The following KANK4 variants were observed in gnomAD, a reference collection of about 807,000 sequenced individuals.
KANK4 encodes KN motif and ankyrin repeat domains 4, also known as KN motif and ankyrin repeat domain-containing protein 4.
In KANK4, 50 loss-of-function variants were observed where a neutral mutation model predicts 80.8. That is an observed-to-expected ratio of 0.62 (90% CI 0.49 to 0.78). The LOEUF (loss-of-function observed/expected upper bound fraction) is 0.78, where lower values mean the gene tolerates loss of function less well. Ranked by LOEUF, KANK4 falls within the 30% of genes least tolerant of loss-of-function variation. KANK4 has a pLI of 0.00. For missense variants in KANK4, 1,196 were observed against 1,240.1 expected, an observed-to-expected ratio of 0.96 and a Z score of 0.53; for synonymous variants, 465 against 506.9, an observed-to-expected ratio of 0.92 and a Z score of 1.11.
chr1:62,292,568 A>G (rs1222439472), intron 1 of KANK4, among the ~76,000 whole-genome samples: 1 of 152,218 alleles, frequency 6.6e-6, no homozygotes, highest in East Asian at 1.9e-4. Context: ...ATAGTAAATA[A>G]CTACTCTTTA....
chr1:62,250,088 C>T (rs188875894), intron 8 of KANK4, among the ~76,000 whole-genome samples: 5 of 152,000 alleles, frequency 3.3e-5, no homozygotes, highest in South Asian at 2.1e-4. Context: ...TGGGTTCAAG[C>T]GATTCTCCTG....
At chr1:62,278,351 TCCTTCCTTCCTTCC>T (rs1672363930) in intron 2 of KANK4, among the ~76,000 whole-genome samples, 1 of 28,968 alleles carries the variant, frequency 3.5e-5, no homozygotes, top group Non-Finnish European at 5.3e-5. Context: ...CTTCCTTCCT[TCCTTCCTTCCTTCC>T]TTCCTTCCTT....
rs1314538380 is a variant in KANK4, at chr1:62,274,257, T to C, written c.847A>G (p.Thr283Ala). The change falls in exon 3 of 10, where the codon ACG becomes GCG. Residue 283 changes from threonine to alanine, a missense_variant. Coordinates refer to ENST00000371153, the MANE Select transcript of KANK4 (RefSeq NM_181712.5). The stretch of plus-strand genomic sequence containing the variant: ...GATGGCAGAGGTGGCGGGCTTGGCG[T>C]AGGGGAGCCAGGGGTGAACAACACC... ...AEVLFTPGSP[T>A]PSPPPLPSPI... is the part of the protein sequence containing the mutation. The C allele has an allele frequency of 6.2e-7, 1 of 1,613,868 alleles. No homozygotes were observed. The highest frequency in any genetic ancestry group is 2.2e-5 in the East Asian group (1 of 44,868).
intron 1 of KANK4, among the ~76,000 whole-genome samples, chr1:62,303,716 T>A (rs528628725): frequency 6.6e-6 from 1 of 152,108 alleles, no homozygotes; most frequent in African/African-American, 2.4e-5. Context: ...AAAATGAATA[T>A]AAAATTTCTC....
At chr1:62,277,323 A>G (rs57413303) in intron 2 of KANK4, among the ~76,000 whole-genome samples, 1,970 of 152,312 alleles carry the variant, frequency 0.013, 43 homozygotes, top group African/African-American at 0.045. Flanking sequence ...GTGATAAATG[A>G]ACAAATAGGG....
chr1:62,281,722 C>A, intron 1 of KANK4, 88 bp from the exon 2 acceptor site: 1 of 844,804 alleles, frequency 1.2e-6, no homozygotes, highest in Non-Finnish European at 2.0e-6. Flanking sequence ...AAGTAACATC[C>A]ATCCCTGCCT....
chr1:62,306,476 A>G (rs1571049315), intron 1 of KANK4, among the ~76,000 whole-genome samples: 1 of 152,330 alleles, frequency 6.6e-6, no homozygotes, highest in East Asian at 1.9e-4. Context: ...TCATATATAT[A>G]CAGTGCCAAA....
intron 9 of KANK4, among the ~76,000 whole-genome samples, chr1:62,246,851 C>T (rs188368877): frequency 2.1e-4 from 32 of 151,790 alleles, no homozygotes; most frequent in African/African-American, 7.2e-4. Flanking sequence ...ACCTCTGCCT[C>T]CCACGTTCAA....
rs575954280 is a variant in KANK4 at position 62,315,229 on chromosome 1, T to C, written c.-71+3877A>G. ...GTGAATCTAGGCTCCAATCCCAGGA[T>C]ACACTGACCTCCAAACCCATGCCTC... is the stretch of plus-strand genomic sequence containing the variant. On this transcript the variant is annotated intron_variant, in intron 1 of 9. Coordinates refer to ENST00000371153, the MANE Select transcript of KANK4 (RefSeq NM_181712.5). Among the ~76,000 whole-genome samples, 171 of 152,288 alleles carry C rather than the reference T, an allele frequency of 1.1e-3. 2 individuals are homozygous for C. Among genetic ancestry groups the C allele is most frequent in the African/African-American group, 3.9e-3 (164 of 41,570 alleles).
rs978139898 is a variant in KANK4, at chr1:62,265,507, A to G, written c.2319+1225T>C. Among the ~76,000 whole-genome samples the G allele has an allele frequency of 8.6e-5, 13 of 151,752 alleles. No individual in the cohort carries two copies. In the East Asian group the frequency reaches 2.3e-3, roughly 27 times the overall value. ...TCCACCTGTCTTGGCCTCCCAAAGT[A>G]CTGGGATTACAGGCGTGAGACACTG... On this transcript the variant is annotated intron_variant, in intron 6 of 9. Transcript: ENST00000371153.
rs149755007 is a variant in KANK4 at position 62,273,978 on chromosome 1, C to T, written c.1126G>A (p.Glu376Lys). The part of the protein sequence containing the change: ...VRTALQQQEE[E>K]IKAREQRIRE... ...ATTCTTTGCTCCCTAGCTTTGATTT[C>T]CTCTTCCTGCTGCTGGAGAGCAGTT... Residue 376 changes from glutamate (E) to lysine (K), a missense_variant, in exon 3 of 10, where the codon GAA (glutamate) becomes AAA (lysine). By Grantham distance (56) the Glu-to-Lys change is moderately conservative. Around this residue, in one of 3 missense-constraint regions of KANK4, gnomAD observed 1,154 missense variants for 1,179.6 expected, o/e 0.98. Transcript: ENST00000371153. 8.7e-6 allele frequency: 14 copies of T among 1,614,096 alleles called. No individual in the cohort carries two copies. Among genetic ancestry groups the T allele is most frequent in the African/African-American group, 2.7e-5 (2 of 74,932 alleles).
Position 62,275,108 on chromosome 1 carries a change from T to TA in KANK4, c.17-22dup, listed in dbSNP as rs761923018. On this transcript the variant is annotated intron_variant, in intron 2 of 9. Coordinates refer to ENST00000371153, the MANE Select transcript of KANK4 (RefSeq NM_181712.5). Reference sequence around the variant, plus strand: ...TTTGGCTGGGAGACATAAGACAAGTTAAAAAAAAAAAGCACAAATTTAATT... The same window carrying TA: ...TTTGGCTGGGAGACATAAGACAAGTTAAAAAAAAAAAAGCACAAATTTAATT... The TA allele has an allele frequency of 0.013, 15,993 of 1,187,442 alleles. 9 individuals carry two copies. Among genetic ancestry groups the TA allele is most frequent in the African/African-American group, 0.026 (1,635 of 62,454 alleles). 73.6% of individuals were successfully genotyped at this position (1,187,442 alleles called of 1,614,324 possible).
rs1166178685 is a variant in KANK4 at position 62,278,320 on chromosome 1, T to TCTTCCTTC, written c.16+3221_16+3228dup. The stretch of plus-strand genomic sequence containing the variant: ...GGCATTTCCTGGGGCACATTTTCTT[T>TCTTCCTTC]CTTCCTTCCTTCCTTCCTTCCTTCC... On this transcript the variant is annotated intron_variant, in intron 2 of 9. Coordinates refer to ENST00000371153, the MANE Select transcript of KANK4 (RefSeq NM_181712.5). Among the ~76,000 whole-genome samples, 26 of 60,502 alleles carry TCTTCCTTC rather than the reference T, an allele frequency of 4.3e-4. 1 individual carries two copies. Among genetic ancestry groups the TCTTCCTTC allele is most frequent in the Non-Finnish European group, 7.9e-4 (23 of 29,016 alleles). 39.7% of individuals were successfully genotyped at this position (60,502 alleles called of 152,430 possible).
chr1:62,288,970 G>A (rs1408041700), intron 1 of KANK4, among the ~76,000 whole-genome samples: 1 of 152,116 alleles, frequency 6.6e-6, no homozygotes, highest in Non-Finnish European at 1.5e-5. Context: ...GATAAATCCT[G>A]ACATGCCATA....
At chr1:62,258,677 T>A (rs755898454) in intron 7 of KANK4, among the ~76,000 whole-genome samples, 24 of 152,238 alleles carry the variant, frequency 1.6e-4, no homozygotes, top group Non-Finnish European at 1.3e-4. Context: ...GGAACTGGTC[T>A]AGGTGTTAGG....
chr1:62,248,126 C>A (rs1369540835), intron 8 of KANK4, among the ~76,000 whole-genome samples: 1 of 152,128 alleles, frequency 6.6e-6, no homozygotes, highest in Non-Finnish European at 1.5e-5. Context: ...CCCAGGAAGC[C>A]TTCTCTGCTC....
At chr1:62,298,492 C>G in intron 1 of KANK4, among the ~76,000 whole-genome samples, 1 of 152,238 alleles carries the variant, frequency 6.6e-6, no homozygotes, top group Non-Finnish European at 1.5e-5. Context: ...AGATGCTGAT[C>G]TGCTGGTCCC....
Position 62,247,625 on chromosome 1 carries a change from G to A in KANK4, c.2730C>T (p.Asp910=), listed in dbSNP as rs1419046786. The A allele has an allele frequency of 6.2e-7, 1 of 1,614,008 alleles. No individual in the cohort carries two copies. The highest frequency in any genetic ancestry group is 8.5e-7 in the Non-Finnish European group (1 of 1,180,038). The change falls in exon 9 of 10, where the codon GAC becomes GAT. Residue 910 remains aspartate (D), a synonymous_variant. Transcript: ENST00000371153. ...LMLGVSHDRE[D]MVQALLSCQA... is the part of the protein sequence containing the mutation. The stretch of plus-strand genomic sequence containing the variant: ...GGCAGCTAAGCAGCGCTTGAACCAT[G>A]TCCTCCCTGTCGTGGCTGACTCCCA...
Position 62,273,397 on chromosome 1 carries a change from C to A in KANK4, c.1707G>T (p.Glu569Asp). ...GGCAGTTCCACTGCTCCTGCAGGAG[C>A]TCCTGGATCTTCTTCACATACTGCC... is the stretch of plus-strand genomic sequence containing the variant. ...TIGQYVKKIQ[E>D]LLQEQWNCLE... The change falls in exon 3 of 10, where the codon GAG becomes GAT. Residue 569 changes from glutamate (E) to aspartate (D), a missense_variant. Transcript: ENST00000371153. 1 of 1,607,866 alleles carries A rather than the reference C, an allele frequency of 6.2e-7. No homozygotes were observed. The highest frequency in any genetic ancestry group is 8.5e-7 in the Non-Finnish European group (1 of 1,175,928).
Sources: allele counts gnomAD v4.1 joint callset (sites outside exome capture counted in the v4.1 genomes callset), GRCh38; gene constraint gnomAD v4.1.1; regional missense constraint gnomAD v4.1.1; transcripts MANE v1.5; gene names NCBI Gene and HGNC (gene_info 2026-07-23, HGNC 2026-07-21).